Variants in SPAG6 observed in about 807,000 individuals in gnomAD.
SPAG6 encodes the protein sperm associated antigen 6, also known as sperm-associated antigen 6.
In SPAG6, 49 loss-of-function variants were observed where a neutral mutation model predicts 58.5. The observed-to-expected ratio is 0.84, with a 90% confidence interval of 0.67 to 1.06. SPAG6 has a LOEUF of 1.06. SPAG6 is among the 50% of genes least tolerant of loss of function. The pLI is 0.00. For synonymous variants in SPAG6, 233 were observed against 225.6 expected (o/e 1.03, Z -0.29); for missense variants, 560 against 611.3 (o/e 0.92, Z 0.89).
At chr10:22,351,276 A>C (rs1020667103) in intron 2 of SPAG6, among the ~76,000 whole-genome samples, 1 of 152,264 alleles carries the variant, frequency 6.6e-6, no homozygotes, top group Non-Finnish European at 1.5e-5. Flanking sequence ...AGCTGGCCTC[A>C]GAACTCTAGA....
chr10:22,386,932 G>C lies in SPAG6; in HGVS notation c.651G>C (p.Met217Ile), dbSNP rs1349634590. 6.2e-7 allele frequency: 1 copy of C among 1,613,568 alleles called. No individual in the cohort carries two copies. The highest frequency in any genetic ancestry group is 1.3e-5 in the African/African-American group (1 of 75,008). The part of the protein sequence containing the change: ...DAGAVAHLAQ[M>I]ILNPDAKLKH... ...GAGCTGTTGCTCATTTAGCCCAGAT[G>C]ATCCTGAACCCTGATGCTAAATTGA... is the stretch of plus-strand genomic sequence containing the variant. The change falls in exon 5 of 11, where the codon ATG becomes ATC. Residue 217 changes from methionine (M) to isoleucine (I), a missense_variant. Met to Ile is a conservative substitution (Grantham distance 10). Coordinates refer to ENST00000376624, the MANE Select transcript of SPAG6 (RefSeq NM_012443.4).
At chr10:22,410,098 T>C (rs1834691695) in intron 9 of SPAG6, among the ~76,000 whole-genome samples, 1 of 152,218 alleles carries the variant, frequency 6.6e-6, no homozygotes, top group African/African-American at 2.4e-5. Flanking sequence ...GACTTGTTTT[T>C]TAGTTTTCAT....
At chr10:22,371,784 G>T (rs762516553) in intron 4 of SPAG6, among the ~76,000 whole-genome samples, 3 of 152,120 alleles carry the variant, frequency 2.0e-5, no homozygotes, top group Non-Finnish European at 4.4e-5. Flanking sequence ...GAGAGAAGCC[G>T]ATGGGCATTA....
At position 22,345,890 on chromosome 10, in the gene SPAG6, C is replaced by T. The variant is rs750447607; in HGVS notation, c.121+72C>T. On this transcript the variant is annotated intron_variant, in intron 2 of 10. Transcript: ENST00000376624. The surrounding 1 kb of genome is among the most constrained non-coding windows in gnomAD (Gnocchi z 6.3). ...CCGACGCCTCCGCCCCGCTGCCCTG[C>T]CCGTGGAGCTCTTGGGGAGCCGCAG... 3 of 1,579,420 alleles carry T rather than the reference C, an allele frequency of 1.9e-6. No individual in the cohort carries two copies. Among genetic ancestry groups the T allele is most frequent in the Non-Finnish European group, 2.6e-6 (3 of 1,163,064 alleles).
At chr10:22,364,792 T>G in intron 2 of SPAG6, 61 bp from the exon 3 acceptor site, 2 of 1,295,452 alleles carry the variant, frequency 1.5e-6, no homozygotes, top group Non-Finnish European at 2.2e-6. Context: ...ATATACTGAA[T>G]TGTATTTTTG....
chr10:22,389,413 GC>G, intron 7 of SPAG6, 101 bp downstream of exon 7: 1 of 1,252,844 alleles, frequency 8.0e-7, no homozygotes, highest in South Asian at 1.6e-5. Context: ...ACTGACTGGA[GC>G]AAAAAAATTA....
chr10:22,414,324 T>C (rs891287532), intron 10 of SPAG6, among the ~76,000 whole-genome samples: 2 of 152,196 alleles, frequency 1.3e-5, no homozygotes, highest in African/African-American at 4.8e-5. Context: ...TAGCTGTGGT[T>C]GCTGGCCAGA....
Position 22,345,504 on chromosome 10 carries a change from G to A in SPAG6, c.-108G>A. On this transcript the variant is annotated 5_prime_UTR_variant, in exon 1 of 11. Transcript: ENST00000376624. This position sits in a 1 kb window ranked among gnomAD's most constrained non-coding sequence, Gnocchi z 6.3. The stretch of plus-strand genomic sequence containing the variant: ...GGGAGACGCGGGTACACAGAGAAGC[G>A]GCTCCCGTCGGAGGCCGAGTCGTCG... The A allele has an allele frequency of 3.2e-6, 3 of 925,618 alleles. No individual in the cohort carries two copies. Among genetic ancestry groups the A allele is most frequent in the Non-Finnish European group, 4.7e-6 (3 of 631,812 alleles). 57.3% of individuals were successfully genotyped at this position (925,618 alleles called of 1,614,324 possible).
At chr10:22,349,397 T>C (rs746623424) in intron 2 of SPAG6, among the ~76,000 whole-genome samples, 32 of 152,210 alleles carry the variant, frequency 2.1e-4, no homozygotes, top group Non-Finnish European at 3.5e-4. Flanking sequence ...TCTGAATAAT[T>C]AGTAACACAT....
rs762742288 is a variant in SPAG6 at position 22,391,690 on chromosome 10, C to T, written c.1006-39C>T. 9 of 1,586,394 alleles carry T rather than the reference C, an allele frequency of 5.7e-6. No homozygotes were observed. In the East Asian group the frequency reaches 2.0e-4, roughly 35 times the overall value. On this transcript the variant is annotated intron_variant, in intron 7 of 10. Transcript: ENST00000376624. ...ACATGGAAGACTCTTTAATCCTGCT[C>T]TAGATTCATAACACTTGCTCTTTTG...
chr10:22,365,201 A>G (rs555390478), intron 3 of SPAG6, among the ~76,000 whole-genome samples, 182 bp downstream of exon 3: 1 of 152,298 alleles, frequency 6.6e-6, no homozygotes, highest in South Asian at 2.1e-4. Flanking sequence ...GATAACCACC[A>G]TTTATCTATT....
chr10:22,378,166 C>T (rs986974139), intron 4 of SPAG6, among the ~76,000 whole-genome samples: 2 of 148,796 alleles, frequency 1.3e-5, no homozygotes, highest in Admixed American at 6.7e-5. Flanking sequence ...TGGGTTCAAA[C>T]GATTCACCCA....
At position 22,389,272 on chromosome 10, in the gene SPAG6, C is replaced by T. The variant is rs1300925762; in HGVS notation, c.965C>T (p.Ala322Val). 2 of 1,612,620 alleles carry T rather than the reference C, an allele frequency of 1.2e-6. No homozygotes were observed. Among genetic ancestry groups the T allele is most frequent in the Admixed American group, 3.3e-5 (2 of 59,904 alleles). The change falls in exon 7 of 11, where the codon GCT becomes GTT. Residue 322 changes from alanine to valine, a missense_variant. By Grantham distance (64) the Ala-to-Val change is moderately conservative. Transcript: ENST00000376624. ...ATCATGATGCTTGGTTATGTAGCAG[C>T]TCATTCTGAGAACCTAGCAATGGCA... ...PGIMMLGYVA[A>V]HSENLAMAVI...
chr10:22,411,010 T>G, intron 9 of SPAG6, 21 bp from the exon 10 acceptor site: 1 of 1,599,418 alleles, frequency 6.3e-7, no homozygotes, highest in South Asian at 1.1e-5. Context: ...AGCTGACATT[T>G]TATGTGCTTC....
In SPAG6 at chr10:22,416,746, T is replaced by A; in HGVS notation, c.*58T>A. 1 of 898,468 alleles carries A rather than the reference T, an allele frequency of 1.1e-6. No homozygotes were observed. The highest frequency in any genetic ancestry group is 1.9e-6 in the Non-Finnish European group (1 of 539,922). The allele number at this position is 898,468 out of a possible 1,614,324, so 55.7% of individuals were successfully genotyped here. ...CAGAGTAGTTTTGAGTAACAGTAAT[T>A]AAATCCTTCTAAATATTTGAACTAA... On this transcript the variant is annotated 3_prime_UTR_variant, in exon 11 of 11. Transcript: ENST00000376624.
At chr10:22,370,213 G>A (rs74123019) in intron 4 of SPAG6, among the ~76,000 whole-genome samples, 140 of 152,240 alleles carry the variant, frequency 9.2e-4, no homozygotes, top group African/African-American at 3.2e-3. Flanking sequence ...TTCCTAAGGT[G>A]GTAAAATTAA....
chr10:22,405,445 A>T (rs1834527752), intron 9 of SPAG6, among the ~76,000 whole-genome samples: 5 of 149,254 alleles, frequency 3.3e-5, no homozygotes, highest in African/African-American at 1.3e-4. Flanking sequence ...ACATTTATTG[A>T]TTTGCATATA....
chr10:22,348,656 G>A (rs576584247), intron 2 of SPAG6, among the ~76,000 whole-genome samples: 6 of 152,298 alleles, frequency 3.9e-5, no homozygotes, highest in African/African-American at 1.2e-4. Context: ...TATTAAAGGT[G>A]AAAATTGTCA....
intron 9 of SPAG6, among the ~76,000 whole-genome samples, chr10:22,404,900 C>G (rs1249253148): frequency 1.3e-5 from 2 of 152,104 alleles, no homozygotes; most frequent in Non-Finnish European, 2.9e-5. Context: ...CTCTTTGAAG[C>G]AATTGTGAAT....
Sources: gnomAD v4.1 joint callset for allele counts (sites outside exome capture counted in the v4.1 genomes callset) on GRCh38, gnomAD v4.1.1 for gene constraint, Gnocchi (gnomAD v3.1) non-coding constraint, MANE v1.5 for transcripts, NCBI Gene and HGNC (gene_info 2026-07-23, HGNC 2026-07-21) for gene names.